MICB: variants seen among roughly 807,000 people sequenced by gnomAD.
MICB encodes MHC class I antigen-related protein B.
Under a neutral mutation model 34.3 loss-of-function variants are expected in MICB, and 27 were observed. The observed-to-expected ratio is 0.79, with a 90% confidence interval of 0.58 to 1.08. The LOEUF (loss-of-function observed/expected upper bound fraction) is 1.08, where lower values mean the gene tolerates loss of function less well. Ranked by LOEUF, MICB falls within the 50% of genes least tolerant of loss-of-function variation. The pLI, the probability that MICB is intolerant of heterozygous loss-of-function variation, is 0.00. For missense variants in MICB, 426 were observed against 483.1 expected (o/e 0.88, Z 1.11); for synonymous variants, 153 against 187.4 (o/e 0.82, Z 1.50).
chr6:31,509,741 C>T, intron 5 of MICB, 41 bp from the exon 6 acceptor site: 1 of 1,576,460 alleles, frequency 6.3e-7, no homozygotes, highest in Non-Finnish European at 8.6e-7. Flanking sequence ...AAACACAACA[C>T]TGCACCCAGT....
rs1417023832 is a variant in MICB, at chr6:31,509,856, T to C, written c.1099T>C (p.Phe367Leu). The change falls in exon 6 of 6, where the codon TTT becomes CTT. Residue 367 changes from phenylalanine (F) to leucine (L), a missense_variant. Transcript: ENST00000252229. ...GDHRDAAQLGFQPLMSATGST... is the reference protein window; with the variant it reads ...GDHRDAAQLGLQPLMSATGST... ...CCACAGGGATGCAGCACAGCTGGGA[T>C]TTCAGCCTCTGATGTCAGCTACTGG... is the stretch of plus-strand genomic sequence containing the variant. 4.3e-6 allele frequency: 7 copies of C among 1,613,610 alleles called. No homozygotes were observed. The African/African-American group carries it at 9.3e-5, about 22-fold the overall frequency.
chr6:31,506,186 A>G lies in MICB; in HGVS notation c.369A>G (p.Glu123=). ...LQEIRVCEIH[E]DSSTRGSRHF... Reference sequence around the variant, plus strand: ...AGATTAGGGTCTGTGAGATCCATGAAGACAGCAGCACCAGGGGCTCCCGGC... The same window carrying G: ...AGATTAGGGTCTGTGAGATCCATGAGGACAGCAGCACCAGGGGCTCCCGGC... The change falls in exon 3 of 6, where the codon GAA becomes GAG. Residue 123 remains glutamate, a synonymous_variant. Coordinates refer to ENST00000252229, the MANE Select transcript of MICB (RefSeq NM_005931.5). 1 of 1,614,146 alleles carries G rather than the reference A, an allele frequency of 6.2e-7. No individual in the cohort carries two copies. Among genetic ancestry groups the G allele is most frequent in the South Asian group, 1.1e-5 (1 of 91,082 alleles).
intron 1 of MICB, among the ~76,000 whole-genome samples, chr6:31,503,677 T>C (rs2516427): frequency 0.31 from 47,900 of 152,124 alleles, 7,764 homozygotes; most frequent in Middle Eastern, 0.39. Context: ...ATGTACCACA[T>C]CTTGGTTATC....
In MICB at chr6:31,507,657, T is replaced by A; in HGVS notation, c.1024+126T>A. The A allele has an allele frequency of 8.4e-7, 1 of 1,195,730 alleles. No individual in the cohort carries two copies. The highest frequency in any genetic ancestry group is 1.4e-5 in the South Asian group (1 of 69,592). 74.1% of individuals were successfully genotyped at this position (1,195,730 alleles called of 1,614,324 possible). ...CTGGGACAGGGGATGGAAGCTGGGGTATTTGGGAGGGGAATGGGAGCTGCA... is the reference window on the plus strand; with the variant it reads ...CTGGGACAGGGGATGGAAGCTGGGGAATTTGGGAGGGGAATGGGAGCTGCA... On this transcript the variant is annotated intron_variant, in intron 5 of 5. Transcript: ENST00000252229. The surrounding 1 kb of genome is among the most constrained non-coding windows in gnomAD (Gnocchi z 6.0).
chr6:31,497,068 C>G (rs1487728212), upstream of MICB, among the ~76,000 whole-genome samples: 6 of 152,160 alleles, frequency 3.9e-5, no homozygotes, highest in Non-Finnish European at 7.3e-5. Context: ...TGGCTTGGAG[C>G]ACTCTGGTTG....
intron 1 of MICB, among the ~76,000 whole-genome samples, chr6:31,502,111 G>A (rs1765049469): frequency 6.6e-6 from 1 of 152,138 alleles, no homozygotes; most frequent in Non-Finnish European, 1.5e-5. Flanking sequence ...CGAGTCAGGT[G>A]GATCACTTGA....
chr6:31,504,920 GA>G (rs528949823), intron 1 of MICB, among the ~76,000 whole-genome samples: 5 of 152,224 alleles, frequency 3.3e-5, no homozygotes, highest in African/African-American at 1.2e-4. Flanking sequence ...ACTATTTGCT[GA>G]AAAGATGGAC....
At chr6:31,495,166 C>G (rs1764590556), upstream of MICB, among the ~76,000 whole-genome samples, 1 of 152,098 alleles carries the variant, frequency 6.6e-6, no homozygotes, top group African/African-American at 2.4e-5. Flanking sequence ...CTTGGCCTCC[C>G]CTAGCCCAGG....
In MICB at chr6:31,505,615, A is replaced by G. The variant is rs1460889719; in HGVS notation, c.71-2A>G. On this transcript the variant is annotated splice_acceptor_variant, in intron 1 of 5. Coordinates refer to ENST00000252229, the MANE Select transcript of MICB (RefSeq NM_005931.5). LOFTEE classifies it high-confidence loss of function. ...TTTCACCTGTGATTTCCTCTTCCCC[A>G]GAGCCCCACAGTCTTCGTTACAACC... 6.2e-7 allele frequency: 1 copy of G among 1,611,212 alleles called. No individual in the cohort carries two copies. The highest frequency in any genetic ancestry group is 1.1e-5 in the South Asian group (1 of 91,032).
Position 31,498,274 on chromosome 6 carries a change from T to A in MICB, c.70+11T>A, listed in dbSNP as rs2534670. Reference sequence around the variant, plus strand: ...CGGCAGCCGCCGCTGGTGAGTGGGGTTCCTGGCGGTCCCCGGCGGAGCGGG... The same window carrying A: ...CGGCAGCCGCCGCTGGTGAGTGGGGATCCTGGCGGTCCCCGGCGGAGCGGG... On this transcript the variant is annotated intron_variant, in intron 1 of 5. Transcript: ENST00000252229. 0.15 allele frequency: 236,180 copies of A among 1,549,438 alleles called. 19,474 individuals are homozygous for A. The highest frequency in any genetic ancestry group is 0.27 in the Admixed American group (14,944 of 55,334).
rs1459775655 is a variant in MICB at position 31,507,407 on chromosome 6, G to A, written c.900G>A (p.Ala300=). 13 of 1,614,106 alleles carry A rather than the reference G, an allele frequency of 8.1e-6. No individual in the cohort carries two copies. The highest frequency in any genetic ancestry group is 2.2e-5 in the South Asian group (2 of 91,070). The change falls in exon 5 of 6, where the codon GCG becomes GCA. Residue 300 remains alanine (A), a synonymous_variant. Coordinates refer to ENST00000252229, the MANE Select transcript of MICB (RefSeq NM_005931.5). The surrounding 1 kb of genome is among the most constrained non-coding windows in gnomAD (Gnocchi z 6.0). ...HGTHPVPSGK[A]LVLQSQRTDF... is the part of the protein sequence containing the mutation. ...CAAGTCCCTTTTTTTCAGGGAAGGC[G>A]CTGGTGCTTCAGAGTCAACGGACAG...
chr6:31,499,014 C>T (rs1764868601), intron 1 of MICB, among the ~76,000 whole-genome samples: 1 of 149,126 alleles, frequency 6.7e-6, no homozygotes, highest in African/African-American at 2.6e-5. Flanking sequence ...CTGTCCTCTC[C>T]CGGAGCCGAT....
At position 31,506,272 on chromosome 6, in the gene MICB, T is replaced by C. The variant is rs1765319310; in HGVS notation, c.455T>C (p.Val152Ala). 6.2e-7 allele frequency: 1 copy of C among 1,614,062 alleles called. No homozygotes were observed. Among genetic ancestry groups the C allele is most frequent in the Non-Finnish European group, 8.5e-7 (1 of 1,180,032 alleles). The stretch of plus-strand genomic sequence containing the variant: ...AACCTGGAGACTCAAGAATCGACAG[T>C]GCCCCAGTCCTCCAGAGCTCAGACC... The part of the protein sequence containing the change: ...SQNLETQEST[V>A]PQSSRAQTLA... Residue 152 changes from valine to alanine, a missense_variant, in exon 3 of 6, where the codon GTG becomes GCG. By Grantham distance (64) the Val-to-Ala change is moderately conservative. Coordinates refer to ENST00000252229, the MANE Select transcript of MICB (RefSeq NM_005931.5).
At chr6:31,508,096 G>A (rs1765455989) in intron 5 of MICB, among the ~76,000 whole-genome samples, 1 of 152,090 alleles carries the variant, frequency 6.6e-6, no homozygotes. Context: ...GATGTCCCTG[G>A]GCCATTTGAG....
At chr6:31,500,143 C>T (rs1411725090) in intron 1 of MICB, among the ~76,000 whole-genome samples, 1 of 151,940 alleles carries the variant, frequency 6.6e-6, no homozygotes. Context: ...ACTCCCCACA[C>T]CGCATATCTA....
intron 1 of MICB, among the ~76,000 whole-genome samples, chr6:31,499,083 G>A (rs2534669): frequency 0.15 from 22,638 of 151,984 alleles, 1,890 homozygotes; most frequent in Admixed American, 0.24. Flanking sequence ...CTTGGGACCC[G>A]GAGGTGGTGC....
upstream of MICB, chr6:31,496,548 T>C (rs6916960): frequency 0.34 from 51,081 of 151,484 alleles, 8,751 homozygotes; most frequent in East Asian, 0.46. Flanking sequence ...TTTGTATTTT[T>C]AGTAGAGACG....
rs771219680 is a variant in MICB, at chr6:31,507,011, T to A, written c.614-11T>A. 1.9e-5 allele frequency: 30 copies of A among 1,610,140 alleles called. No homozygotes were observed. In the African/African-American group the frequency reaches 3.2e-4, roughly 17 times the overall value. On this transcript the variant is annotated splice_polypyrimidine_tract_variant and intron_variant, in intron 3 of 5. Transcript: ENST00000252229. This position sits in a 1 kb window ranked among gnomAD's most constrained non-coding sequence, Gnocchi z 6.0. ...AGCAGGGCTTCACTGGCTCTGCCCT[T>A]TCTTCTCCAGTGCCCCCCATGGTGA...
upstream of MICB, among the ~76,000 whole-genome samples, chr6:31,495,846 C>T (rs1418838410): frequency 6.6e-6 from 1 of 151,806 alleles, no homozygotes; most frequent in Admixed American, 6.6e-5. Context: ...ATAATCACAC[C>T]ACTGCATTCC....
Sources: gnomAD v4.1 joint callset for allele counts (sites outside exome capture counted in the v4.1 genomes callset) on GRCh38, gnomAD v4.1.1 for gene constraint, Gnocchi (gnomAD v3.1) non-coding constraint, MANE v1.5 for transcripts, NCBI Gene and HGNC (gene_info 2026-07-23, HGNC 2026-07-21) for gene names.